CD300LD: variants seen among roughly 807,000 people sequenced by gnomAD.
CD300LD encodes CD300 molecule like family member d, also known as CMRF35-like molecule 5.
In CD300LD, 18 loss-of-function variants were observed where a neutral mutation model predicts 20.3. The observed-to-expected ratio is 0.89, with a 90% CI of 0.61 to 1.32. The LOEUF (loss-of-function observed/expected upper bound fraction) is 1.32. Ranked by LOEUF, CD300LD falls within the 40% of genes most tolerant of loss-of-function variation. The probability of loss-of-function intolerance (pLI) is 0.00; values close to 1 mark genes in which losing one functional copy is unlikely to be tolerated. For synonymous variants in CD300LD, 104 were observed against 90.1 expected (o/e 1.15, Z -0.87); for missense variants, 195 against 226.6 (o/e 0.86, Z 0.90).
At chr17:74,591,038 G>C (rs1054997261) in intron 1 of CD300LD, among the ~76,000 whole-genome samples, 3 of 147,456 alleles carry the variant, frequency 2.0e-5, no homozygotes, top group African/African-American at 7.3e-5. Flanking sequence ...TCCCAGCACT[G>C]TACTCCAGAT....
chr17:74,592,165 G>A lies in CD300LD; in HGVS notation c.38C>T (p.Pro13Leu), dbSNP rs747687070. The A allele has an allele frequency of 1.9e-6, 3 of 1,614,166 alleles. No homozygotes were observed. Among genetic ancestry groups the A allele is most frequent in the Non-Finnish European group, 2.5e-6 (3 of 1,180,030 alleles). The part of the protein sequence containing the change: ...LSPSLLLLIL[P>L]GYSIAAKITG... ...CTTAAAGCTCCAGCCACACTCACCT[G>A]GGAGGATGAGAAGCAGCAGAGATGG... The change falls in exon 1 of 4, where the codon CCA (proline) becomes CTA (leucine). Residue 13 changes from proline (P) to leucine (L), a missense_variant and splice_region_variant. Physicochemically the swap from Pro to Leu is moderately conservative, Grantham distance 98 (BLOSUM62 -3). Coordinates refer to ENST00000375352, the MANE Select transcript of CD300LD (RefSeq NM_001115152.2).
At chr17:74,589,933 T>C (rs971846996) in intron 1 of CD300LD, among the ~76,000 whole-genome samples, 4 of 152,222 alleles carry the variant, frequency 2.6e-5, no homozygotes, top group Non-Finnish European at 4.4e-5. Context: ...GAGCTCAGGC[T>C]GTGCCAGAGT....
intron 1 of CD300LD, among the ~76,000 whole-genome samples, chr17:74,591,339 T>C (rs1026164713): frequency 7.3e-5 from 11 of 151,078 alleles, no homozygotes; most frequent in Non-Finnish European, 1.3e-4. Flanking sequence ...AAAATTTTCT[T>C]ACAAAGCTTG....
intron 2 of CD300LD, 44 bp from the exon 3 acceptor site, chr17:74,582,355 G>T: frequency 6.5e-7 from 1 of 1,545,170 alleles, no homozygotes; most frequent in Non-Finnish European, 8.9e-7. Flanking sequence ...TCCATGGATG[G>T]CCCAGCTCTG....
rs1211062517 is a variant in CD300LD, at chr17:74,579,891, GA to G, written c.*110del. On this transcript the variant is annotated 3_prime_UTR_variant, in exon 4 of 4. Transcript: ENST00000375352. ...CAGAGCAAGACTCTATCTCTAGAAAGAAAAAAAGAAGAGAAAAGAAAATGTT... is the reference window on the plus strand; with the variant it reads ...CAGAGCAAGACTCTATCTCTAGAAAGAAAAAAGAAGAGAAAAGAAAATGTT... The G allele has an allele frequency of 2.9e-5, 18 of 631,484 alleles. 1 individual carries two copies. The highest frequency in any genetic ancestry group is 5.5e-5 in the African/African-American group (3 of 54,430). 39.1% of individuals were successfully genotyped at this position (631,484 alleles called of 1,614,324 possible).
chr17:74,590,959 TACTC>T (rs2030296923), intron 1 of CD300LD, among the ~76,000 whole-genome samples: 1 of 151,954 alleles, frequency 6.6e-6, no homozygotes, highest in Non-Finnish European at 1.5e-5. Flanking sequence ...TAGTCCCAGC[TACTC>T]ACTCAGGAGG....
At chr17:74,592,060 C>T (rs377248113) in intron 1 of CD300LD, 103 bp downstream of exon 1, 22 of 1,608,452 alleles carry the variant, frequency 1.4e-5, no homozygotes, top group Admixed American at 3.3e-5. Flanking sequence ...GATGAATTGG[C>T]GCTGTCATTT....
rs759332397 is a variant in CD300LD, at chr17:74,582,660, C to T, written c.380-349G>A. Among the ~76,000 whole-genome samples, 7 of 152,344 alleles carry T rather than the reference C, an allele frequency of 4.6e-5. 1 individual carries two copies. Among genetic ancestry groups the T allele is most frequent in the Middle Eastern group, 6.8e-3 (2 of 294 alleles). ...CCTTACCGCCTGTTCTGGAGTGATT[C>T]GGCGGCTGAGCTGGTGGCCCCCTCG... On this transcript the variant is annotated intron_variant, in intron 2 of 3. Coordinates refer to ENST00000375352, the MANE Select transcript of CD300LD (RefSeq NM_001115152.2).
intron 3 of CD300LD, among the ~76,000 whole-genome samples, chr17:74,581,420 C>T (rs1428964461): frequency 1.3e-5 from 2 of 152,146 alleles, no homozygotes; most frequent in Non-Finnish European, 2.9e-5. Context: ...GGGGGCTTGA[C>T]CACAGCAGGC....
In CD300LD at chr17:74,579,980, C is replaced by A. The variant is rs372905320; in HGVS notation, c.*22G>T. 1.3e-6 allele frequency: 2 copies of A among 1,516,794 alleles called. No individual in the cohort carries two copies. The highest frequency in any genetic ancestry group is 1.8e-6 in the Non-Finnish European group (2 of 1,095,058). 94.0% of individuals were successfully genotyped at this position (1,516,794 alleles called of 1,614,324 possible). A position where few individuals can be genotyped will look rare whatever the true frequency, so the allele number is the denominator to read the frequency against. ...CGTCAATGGGCATTGGGACTCTCAT[C>A]ATCGGGCTGACTCCTCCTCCTTCAA... On this transcript the variant is annotated 3_prime_UTR_variant, in exon 4 of 4. Transcript: ENST00000375352.
chr17:74,585,888 A>T (rs2143284311), intron 2 of CD300LD, among the ~76,000 whole-genome samples: 1 of 152,316 alleles, frequency 6.6e-6, no homozygotes, highest in East Asian at 1.9e-4. Flanking sequence ...ATATGCTGTT[A>T]GGTAATCGTC....
In CD300LD at chr17:74,579,639, C is replaced by T; in HGVS notation, c.*363G>A. 1 of 173,678 alleles carries T rather than the reference C, an allele frequency of 5.8e-6. No individual in the cohort carries two copies. Among genetic ancestry groups the T allele is most frequent in the South Asian group, 1.3e-4 (1 of 7,630 alleles). The allele number at this position is 173,678 out of a possible 1,614,324, so 10.8% of individuals were successfully genotyped here. ...GTGGCTCACACCTGTAATCCCACCA[C>T]TTTGGGAGGCGAAGCGGGAGGATCT... is the stretch of plus-strand genomic sequence containing the variant. On this transcript the variant is annotated 3_prime_UTR_variant, in exon 4 of 4. Transcript: ENST00000375352.
chr17:74,585,813 G>A (rs2143284062), intron 2 of CD300LD, among the ~76,000 whole-genome samples: 1 of 152,298 alleles, frequency 6.6e-6, no homozygotes, highest in East Asian at 1.9e-4. Context: ...ATTTAAATTG[G>A]CAAGAACTGT....
intron 2 of CD300LD, among the ~76,000 whole-genome samples, chr17:74,587,393 T>C (rs1489447384): frequency 6.6e-6 from 1 of 152,236 alleles, no homozygotes; most frequent in Non-Finnish European, 1.5e-5. Context: ...TCCCTTATTA[T>C]TCTTTTAGTA....
In CD300LD at chr17:74,588,938, T is replaced by C. The variant is rs369446862; in HGVS notation, c.41-89A>G. ...ATTGGGAGTAGCAGCCAAATCCAACTGCCTTATAACAGTCAAGGAAGCAAT... is the reference window on the plus strand; with the variant it reads ...ATTGGGAGTAGCAGCCAAATCCAACCGCCTTATAACAGTCAAGGAAGCAAT... On this transcript the variant is annotated intron_variant, in intron 1 of 3. Coordinates refer to ENST00000375352, the MANE Select transcript of CD300LD (RefSeq NM_001115152.2). 7.8e-4 allele frequency: 670 copies of C among 862,094 alleles called. 9 individuals are homozygous for C. The East Asian group carries it at 0.013, about 16-fold the overall frequency. The allele number at this position is 862,094 out of a possible 1,614,324, so 53.4% of individuals were successfully genotyped here. A position where few individuals can be genotyped will look rare whatever the true frequency, so the allele number is the denominator to read the frequency against.
intron 2 of CD300LD, among the ~76,000 whole-genome samples, chr17:74,584,083 T>A (rs1468485875): frequency 6.6e-6 from 1 of 152,142 alleles, no homozygotes; most frequent in Non-Finnish European, 1.5e-5. Context: ...AAAAATCCAC[T>A]CACTTGAATT....
chr17:74,591,221 C>T (rs2143301862), intron 1 of CD300LD, among the ~76,000 whole-genome samples: 1 of 147,108 alleles, frequency 6.8e-6, no homozygotes, highest in African/African-American at 2.5e-5. Flanking sequence ...TGAGACCAGC[C>T]TGGGCATGAA....
At chr17:74,587,520 A>G (rs783241) in intron 2 of CD300LD, among the ~76,000 whole-genome samples, 108,491 of 152,152 alleles carry the variant, frequency 0.71, 39,541 homozygotes, top group African/African-American at 0.86. Context: ...CACAGAAAAC[A>G]TATCTCATTT....
intron 2 of CD300LD, 54 bp downstream of exon 2, chr17:74,588,457 G>A (rs373845010): frequency 4.2e-6 from 5 of 1,202,052 alleles, no homozygotes; most frequent in East Asian, 2.3e-5. Flanking sequence ...GGACCTCAGG[G>A]ACCAGGACAG....
Sources: gnomAD v4.1 joint callset for allele counts (sites outside exome capture counted in the v4.1 genomes callset) on GRCh38, gnomAD v4.1.1 for gene constraint, MANE v1.5 for transcripts, NCBI Gene and HGNC (gene_info 2026-07-23, HGNC 2026-07-21) for gene names.